The following SLTM variants were observed in gnomAD, a reference collection of about 807,000 sequenced individuals.
The protein encoded by SLTM is SAFB-like transcription modulator.
Under a neutral mutation model 134.6 loss-of-function variants are expected in SLTM, and 43 were observed. That is an observed-to-expected ratio of 0.32 (90% CI 0.25 to 0.41). The LOEUF (loss-of-function observed/expected upper bound fraction) is 0.41, where lower values mean the gene tolerates loss of function less well. Among genes scored for constraint, SLTM ranks in the 10% least tolerant of loss-of-function variants. SLTM has a pLI of 1.00. For synonymous variants in SLTM, 424 were observed against 432.3 expected (o/e 0.98, Z 0.24); for missense variants, 1,055 against 1,288.8 (o/e 0.82, Z 2.78).
chr15:58,883,746 C>T lies in SLTM; in HGVS notation c.2876G>A (p.Arg959Gln), dbSNP rs1162185099. 3.7e-6 allele frequency: 6 copies of T among 1,613,960 alleles called. No individual in the cohort carries two copies. Among genetic ancestry groups the T allele is most frequent in the Non-Finnish European group, 2.5e-6 (3 of 1,180,020 alleles). ...EERHVVERHG[R>Q]DTSGPRKEWH... ...CTCTTTCCTTGGTCCGCTTGTGTCC[C>T]GTCCATGGCGTTCAACCACATGTCG... Residue 959 changes from arginine (R) to glutamine (Q), a missense_variant, in exon 20 of 21, where the codon CGG becomes CAG. This residue lies in a region of SLTM where 776 missense variants were observed against 962.2 expected (regional missense o/e 0.81). Coordinates refer to ENST00000380516, the MANE Select transcript of SLTM (RefSeq NM_024755.4).
chr15:58,912,794 C>T (rs565103812), intron 4 of SLTM, 184 bp from the exon 5 acceptor site: 34 of 524,176 alleles, frequency 6.5e-5, no homozygotes, highest in African/African-American at 3.1e-4. Context: ...TTAGCCATGT[C>T]GCTAGAGAAT....
At chr15:58,910,331 A>G (rs2036171084) in intron 5 of SLTM, among the ~76,000 whole-genome samples, 1 of 152,254 alleles carries the variant, frequency 6.6e-6, no homozygotes, top group African/African-American at 2.4e-5. Context: ...GTTTAGAAGC[A>G]TTAGATCATA....
intron 5 of SLTM, among the ~76,000 whole-genome samples, chr15:58,910,870 G>C (rs1010903975): frequency 6.6e-6 from 1 of 150,642 alleles, no homozygotes; most frequent in Non-Finnish European, 1.5e-5. Flanking sequence ...TCAGCCTCCT[G>C]AGCAGCTGGA....
chr15:58,908,432 T>C (rs1397769014), intron 5 of SLTM, among the ~76,000 whole-genome samples: 1 of 152,130 alleles, frequency 6.6e-6, no homozygotes, highest in African/African-American at 2.4e-5. Context: ...AGTGGTGTGA[T>C]CTTGGCTCAC....
At chr15:58,901,039 A>C (rs553845992) in intron 6 of SLTM, 1 of 492,536 alleles carries the variant, frequency 2.0e-6, no homozygotes, top group African/African-American at 2.0e-5. Context: ...TGTTCACTAC[A>C]GTAACTGATA....
Position 58,916,997 on chromosome 15 carries a change from T to TA in SLTM, c.252dup (p.Lys85Ter), listed in dbSNP as rs2036696573. 6.2e-7 allele frequency: 1 copy of TA among 1,613,520 alleles called. No homozygotes were observed. The highest frequency in any genetic ancestry group is 8.5e-7 in the Non-Finnish European group (1 of 1,179,732). ...CTCAACTCATCTGCTTCATGTTTTT[T>TA]ACCTGCGAAAGAAGGAAAATGGGCT... On this transcript the variant is annotated frameshift_variant and splice_region_variant, in exon 3 of 21. Transcript: ENST00000380516. LOFTEE classifies it high-confidence loss of function.
chr15:58,899,310 A>T lies in SLTM; in HGVS notation c.1058+159T>A. 1 of 629,438 alleles carries T rather than the reference A, an allele frequency of 1.6e-6. No homozygotes were observed. The allele number at this position is 629,438 out of a possible 1,614,324, so 39.0% of individuals were successfully genotyped here. The stretch of plus-strand genomic sequence containing the variant: ...ACACTGCATTATTATGAAGATCTTG[A>T]AAATTTTTAAAAGTAACTTATGACG... On this transcript the variant is annotated intron_variant, in intron 7 of 20. Transcript: ENST00000380516. This position sits in a 1 kb window ranked among gnomAD's most constrained non-coding sequence, Gnocchi z 5.0.
intron 20 of SLTM, among the ~76,000 whole-genome samples, chr15:58,880,397 G>C (rs2033600236): frequency 6.6e-6 from 1 of 152,090 alleles, no homozygotes; most frequent in African/African-American, 2.4e-5. Context: ...TCTGCACGTG[G>C]ACTACAGCAG....
chr15:58,932,291 A>T, intron 2 of SLTM, 65 bp downstream of exon 2: 2 of 1,176,478 alleles, frequency 1.7e-6, no homozygotes, highest in South Asian at 2.4e-5. Context: ...GGCAAGAGGC[A>T]CAAGAGCAGA....
rs1366874424 is a variant in SLTM, at chr15:58,890,391, G to A, written c.1969C>T (p.Arg657Trp). The change falls in exon 15 of 21, where the codon CGG (arginine) becomes TGG (tryptophan). Residue 657 changes from arginine (R) to tryptophan (W), a missense_variant. By Grantham distance (101) the Arg-to-Trp change is moderately radical. Around this residue, in one of 3 missense-constraint regions of SLTM, gnomAD observed 776 missense variants for 962.2 expected, o/e 0.81. Coordinates refer to ENST00000380516, the MANE Select transcript of SLTM (RefSeq NM_024755.4). Reference protein sequence around the residue: ...RIRIIREREERERLQRERERL... With the variant: ...RIRIIREREEWERLQRERERL... ...TCTCTCTCTCTCTGTAAGCGTTCCC[G>A]TTCTTCCCGTTCACGAATTATTCTA... 7 of 1,613,566 alleles carry A rather than the reference G, an allele frequency of 4.3e-6. No homozygotes were observed. The highest frequency in any genetic ancestry group is 1.3e-5 in the African/African-American group (1 of 74,740).
At chr15:58,927,889 T>C (rs1471144867) in intron 2 of SLTM, among the ~76,000 whole-genome samples, 1 of 152,270 alleles carries the variant, frequency 6.6e-6, no homozygotes, top group African/African-American at 2.4e-5. Flanking sequence ...ATATGAAATG[T>C]GCTTTATATG....
chr15:58,917,076 C>A, intron 2 of SLTM, 77 bp from the exon 3 acceptor site: 3 of 1,305,132 alleles, frequency 2.3e-6, no homozygotes, highest in Non-Finnish European at 2.2e-6. Context: ...GTTTACCCTG[C>A]AATAGCACTC....
intron 5 of SLTM, among the ~76,000 whole-genome samples, chr15:58,911,884 A>C (rs1294688936): frequency 6.6e-6 from 1 of 152,208 alleles, no homozygotes; most frequent in Non-Finnish European, 1.5e-5. Flanking sequence ...CAAAATTTCA[A>C]ATAAAGCTTT....
chr15:58,880,949 T>C (rs906029483), intron 20 of SLTM, among the ~76,000 whole-genome samples: 1 of 152,220 alleles, frequency 6.6e-6, no homozygotes, highest in Non-Finnish European at 1.5e-5. Flanking sequence ...TTTAAGAATA[T>C]TTCTGGAATC....
At position 58,932,800 on chromosome 15, in the gene SLTM, C is replaced by T. The variant is rs567192796; in HGVS notation, c.163-357G>A. 9.8e-5 allele frequency among the ~76,000 whole-genome samples: 15 copies of T among 152,344 alleles called. No homozygotes were observed. In the East Asian group the frequency reaches 2.9e-3, roughly 29 times the overall value. Reference sequence around the variant, plus strand: ...TCCTAGTTTCTGTAATGCAAACTTACTGCTCCTCTGCTACAATTCCAACGC... The same window carrying T: ...TCCTAGTTTCTGTAATGCAAACTTATTGCTCCTCTGCTACAATTCCAACGC... On this transcript the variant is annotated intron_variant, in intron 1 of 20. Coordinates refer to ENST00000380516, the MANE Select transcript of SLTM (RefSeq NM_024755.4).
intron 2 of SLTM, among the ~76,000 whole-genome samples, chr15:58,931,895 T>C (rs2037904894): frequency 6.6e-6 from 1 of 152,186 alleles, no homozygotes; most frequent in African/African-American, 2.4e-5. Flanking sequence ...GGAGGTATAA[T>C]GGCATAAATG....
chr15:58,900,167 T>C (rs2035368322), intron 6 of SLTM, among the ~76,000 whole-genome samples: 1 of 151,682 alleles, frequency 6.6e-6, no homozygotes. Context: ...CAAACAACAA[T>C]AGTGAGAAAA....
chr15:58,929,196 G>A (rs1165010026), intron 2 of SLTM, among the ~76,000 whole-genome samples: 1 of 152,106 alleles, frequency 6.6e-6, no homozygotes, highest in Non-Finnish European at 1.5e-5. Flanking sequence ...AGCCAGGTGC[G>A]GTGGCTCACT....
chr15:58,904,721 GTT>G, intron 5 of SLTM, among the ~76,000 whole-genome samples: 1 of 151,076 alleles, frequency 6.6e-6, no homozygotes, highest in Non-Finnish European at 1.5e-5. Context: ...GTTTTGTTTC[GTT>G]TTTCTGAGAC....
Sources: allele counts gnomAD v4.1 joint callset (sites outside exome capture counted in the v4.1 genomes callset), GRCh38; gene constraint gnomAD v4.1.1; regional missense constraint gnomAD v4.1.1; non-coding constraint Gnocchi (gnomAD v3.1); transcripts MANE v1.5; gene names NCBI Gene and HGNC (gene_info 2026-07-23, HGNC 2026-07-21).